The following SOX6 variants were observed in gnomAD, a reference collection of about 807,000 sequenced individuals.
The protein encoded by SOX6 is transcription factor SOX-6.
SOX6 carries 11 observed loss-of-function variants against 97.8 expected under a neutral mutation model. That is an observed-to-expected ratio of 0.11 (90% CI 0.07 to 0.19). The LOEUF is 0.19. Ranked by LOEUF, SOX6 falls within the 10% of genes least tolerant of loss-of-function variation. The pLI, the probability that SOX6 is intolerant of heterozygous loss-of-function variation, is 1.00. For synonymous variants in SOX6, 360 were observed against 371.4 expected, an observed-to-expected ratio of 0.97 and a Z score of 0.35; for missense variants, 810 against 1,039.5, an observed-to-expected ratio of 0.78 and a Z score of 3.04.
At chr11:15,985,616 T>C (rs796151230) in intron 15 of SOX6, among the ~76,000 whole-genome samples, 10 of 152,302 alleles carry the variant, frequency 6.6e-5, no homozygotes, top group African/African-American at 2.4e-4. Flanking sequence ...TTAAACAAAA[T>C]GACATGAAAT....
intron 2 of SOX6, among the ~76,000 whole-genome samples, chr11:16,335,906 C>T (rs1047456379): frequency 1.3e-5 from 2 of 152,130 alleles, no homozygotes; most frequent in African/African-American, 2.4e-5. Flanking sequence ...AGCATGCCTA[C>T]CATTATTTTC....
chr11:16,073,414 A>G (rs980010411), intron 9 of SOX6, among the ~76,000 whole-genome samples: 2 of 152,244 alleles, frequency 1.3e-5, no homozygotes, highest in African/African-American at 4.8e-5. Context: ...CTAAATATGT[A>G]TGCACCCAAC....
upstream of SOX6, among the ~76,000 whole-genome samples, chr11:16,356,974 A>G (rs182455432): frequency 6.6e-6 from 1 of 152,162 alleles, no homozygotes; most frequent in Non-Finnish European, 1.5e-5. Context: ...AGTCTGAAAG[A>G]CAAGCCAAAA....
At chr11:16,108,742 C>G (rs575005388) in intron 7 of SOX6, among the ~76,000 whole-genome samples, 1 of 152,186 alleles carries the variant, frequency 6.6e-6, no homozygotes, top group South Asian at 2.1e-4. Flanking sequence ...CAGCATGCCC[C>G]CTCAGCAACC....
At chr11:16,080,121 A>T (rs1848441402) in intron 9 of SOX6, among the ~76,000 whole-genome samples, 1 of 151,816 alleles carries the variant, frequency 6.6e-6, no homozygotes, top group Non-Finnish European at 1.5e-5. Flanking sequence ...CACACCAAAA[A>T]AAAAATAAGG....
At chr11:16,351,184 T>C (rs1856938025) in intron 1 of SOX6, among the ~76,000 whole-genome samples, 1 of 152,082 alleles carries the variant, frequency 6.6e-6, no homozygotes, top group African/African-American at 2.4e-5. Flanking sequence ...GATTCATCAC[T>C]ATTTTCCTCA....
chr11:16,150,922 T>C (rs1850442833), intron 6 of SOX6, among the ~76,000 whole-genome samples: 1 of 152,172 alleles, frequency 6.6e-6, no homozygotes, highest in Admixed American at 6.6e-5. Context: ...CAAGTGTCAA[T>C]ATATTAAATC....
intron 6 of SOX6, among the ~76,000 whole-genome samples, chr11:16,147,408 G>T (rs1220434666): frequency 6.6e-6 from 1 of 152,030 alleles, no homozygotes. Flanking sequence ...GCTAAATGAC[G>T]AGTTAATGGG....
At chr11:16,089,061 C>T (rs1041262943) in intron 9 of SOX6, among the ~76,000 whole-genome samples, 6 of 151,968 alleles carry the variant, frequency 3.9e-5, no homozygotes, top group Admixed American at 3.3e-4. Flanking sequence ...GTAGCTGGTG[C>T]TATAAGAGAA....
At chr11:16,052,685 C>T (rs933678636) in intron 10 of SOX6, among the ~76,000 whole-genome samples, 3 of 152,078 alleles carry the variant, frequency 2.0e-5, no homozygotes, top group Non-Finnish European at 2.9e-5. Context: ...TCTGGAGTGA[C>T]GAAGTTTCTG....
At chr11:16,671,284 C>T (rs1847845944) in intron 3 of SOX6, among the ~76,000 whole-genome samples, 1 of 152,166 alleles carries the variant, frequency 6.6e-6, no homozygotes, top group Admixed American at 6.5e-5. Context: ...AACAAAAGTT[C>T]TTAACCAGGC....
chr11:16,241,744 G>T (rs1466258702), intron 3 of SOX6, among the ~76,000 whole-genome samples: 2 of 151,966 alleles, frequency 1.3e-5, no homozygotes, highest in Non-Finnish European at 2.9e-5. Context: ...TGCTCAGGTT[G>T]GAAGCTATAT....
At chr11:16,719,147 G>C (rs1429841085) in intron 2 of SOX6, among the ~76,000 whole-genome samples, 2 of 152,086 alleles carry the variant, frequency 1.3e-5, no homozygotes, top group Non-Finnish European at 2.9e-5. Flanking sequence ...GAGTGTCAAA[G>C]AGTTTACTTA....
At chr11:16,345,354 A>G (rs1418657948) in intron 1 of SOX6, among the ~76,000 whole-genome samples, 1 of 151,956 alleles carries the variant, frequency 6.6e-6, no homozygotes, top group Non-Finnish European at 1.5e-5. Context: ...TTCCCATCAT[A>G]TGTTCCCTGA....
intron 6 of SOX6, among the ~76,000 whole-genome samples, chr11:16,176,978 AG>A (rs1851204601): frequency 6.6e-6 from 1 of 151,904 alleles, no homozygotes; most frequent in South Asian, 2.1e-4. Context: ...GCATGCCCAA[AG>A]GTTTTATATA....
chr11:16,580,733 G>A (rs1044916624), intron 4 of SOX6, among the ~76,000 whole-genome samples: 1 of 151,920 alleles, frequency 6.6e-6, no homozygotes, highest in African/African-American at 2.4e-5. Flanking sequence ...GAATCTACAA[G>A]GAACTTAAAC....
intron 3 of SOX6, among the ~76,000 whole-genome samples, chr11:16,619,927 G>T (rs768927138): frequency 1.3e-5 from 2 of 151,976 alleles, no homozygotes; most frequent in African/African-American, 2.4e-5. Flanking sequence ...ATAATAAAGA[G>T]TAAAACATAT....
At chr11:16,126,358 G>A (rs539484017) in intron 6 of SOX6, among the ~76,000 whole-genome samples, 2 of 152,158 alleles carry the variant, frequency 1.3e-5, no homozygotes, top group African/African-American at 4.8e-5. Flanking sequence ...AAAAGGCTGG[G>A]CTAGCTCCTT....
chr11:16,715,593 A>AG (rs1236373090), intron 2 of SOX6, among the ~76,000 whole-genome samples: 1 of 152,052 alleles, frequency 6.6e-6, no homozygotes, highest in Non-Finnish European at 1.5e-5. Context: ...GAAAAAAAAA[A>AG]GGAGTGGGGA....
Sources: allele counts gnomAD v4.1 joint callset (sites outside exome capture counted in the v4.1 genomes callset), GRCh38; gene constraint gnomAD v4.1.1; transcripts MANE v1.5; gene names NCBI Gene and HGNC (gene_info 2026-07-23, HGNC 2026-07-21).